Variants in TRPS1 observed in about 807,000 individuals in gnomAD.
TRPS1 encodes zinc finger transcription factor Trps1.
TRPS1 carries 6 observed loss-of-function variants against 101.2 expected under a neutral mutation model. The ratio of observed to expected loss-of-function variants is 0.06; its 90% CI spans 0.03 to 0.12. TRPS1 has a LOEUF of 0.12. TRPS1 is among the 10% of genes least tolerant of loss of function. The pLI, the probability that TRPS1 is intolerant of heterozygous loss-of-function variation, is 1.00. For missense variants in TRPS1, 1,363 were observed against 1,567.0 expected (o/e 0.87, Z 2.20); for synonymous variants, 578 against 589.8 (o/e 0.98, Z 0.29).
intron 5 of TRPS1, among the ~76,000 whole-genome samples, chr8:115,420,333 G>T (rs1274404366): frequency 6.6e-6 from 1 of 152,154 alleles, no homozygotes; most frequent in Non-Finnish European, 1.5e-5. Context: ...ACATTTTGGG[G>T]ACTCCCTTTG....
chr8:115,534,470 C>T (rs1816232058), intron 5 of TRPS1, among the ~76,000 whole-genome samples: 2 of 152,178 alleles, frequency 1.3e-5, no homozygotes, highest in Admixed American at 1.3e-4. Context: ...GATACCATCA[C>T]ACTGGAGGTT....
chr8:115,522,786 T>G (rs1815898049), intron 5 of TRPS1, among the ~76,000 whole-genome samples: 1 of 152,170 alleles, frequency 6.6e-6, no homozygotes, highest in Non-Finnish European at 1.5e-5. Flanking sequence ...TACTCTGTTC[T>G]CAGCAAAGAT....
chr8:115,418,402 G>T lies in TRPS1; in HGVS notation c.2751C>A (p.Thr917=), dbSNP rs1452005217. 1.9e-6 allele frequency: 3 copies of T among 1,614,188 alleles called. No individual in the cohort carries two copies. In the South Asian group the frequency reaches 3.3e-5, roughly 18 times the overall value. Residue 917 remains threonine (T), a synonymous_variant, in exon 6 of 7, where the codon ACC becomes ACA. Coordinates refer to ENST00000395715, the MANE Select transcript of TRPS1 (RefSeq NM_014112.5). The surrounding 1 kb of genome is among the most constrained non-coding windows in gnomAD (Gnocchi z 4.3). ...CATTTGCATTCTTTCGCCAGAGAGA[G>T]GTCTTTGTGGTCAGGCAATTGGCAC... ...VFCANCLTTK[T]SLWRKNANGG...
intron 5 of TRPS1, among the ~76,000 whole-genome samples, chr8:115,483,437 T>C (rs1814803600): frequency 6.6e-6 from 1 of 150,482 alleles, no homozygotes; most frequent in African/African-American, 2.4e-5. Context: ...GGGAGGCTGA[T>C]GTGGGAGGAT....
intron 5 of TRPS1, among the ~76,000 whole-genome samples, chr8:115,469,984 T>C (rs1337302270): frequency 6.6e-6 from 1 of 152,208 alleles, no homozygotes; most frequent in Non-Finnish European, 1.5e-5. Flanking sequence ...TGTCCAGCCT[T>C]GGATATGCTT....
At chr8:115,658,319 G>A (rs1811721259) in intron 1 of TRPS1, among the ~76,000 whole-genome samples, 1 of 152,102 alleles carries the variant, frequency 6.6e-6, no homozygotes, top group Non-Finnish European at 1.5e-5. Context: ...AGCCGGAACT[G>A]ATGAGTGTGA....
intron 5 of TRPS1, among the ~76,000 whole-genome samples, chr8:115,461,328 CAT>C (rs1291990300): frequency 3.9e-5 from 6 of 152,006 alleles, no homozygotes; most frequent in Non-Finnish European, 8.8e-5. Flanking sequence ...TACATACATA[CAT>C]ACATACATAC....
At chr8:115,570,481 A>G (rs1320285634) in intron 5 of TRPS1, among the ~76,000 whole-genome samples, 1 of 152,136 alleles carries the variant, frequency 6.6e-6, no homozygotes, top group Non-Finnish European at 1.5e-5. Flanking sequence ...AAAGATTAGC[A>G]GTATAACAGG....
intron 5 of TRPS1, among the ~76,000 whole-genome samples, chr8:115,565,098 G>C (rs1311472047): frequency 3.3e-5 from 5 of 152,066 alleles, no homozygotes; most frequent in Non-Finnish European, 4.4e-5. Context: ...GAGACCTTAG[G>C]CCTTTATTCT....
chr8:115,542,350 C>A (rs1816473287), intron 5 of TRPS1, among the ~76,000 whole-genome samples: 1 of 152,138 alleles, frequency 6.6e-6, no homozygotes, highest in Admixed American at 6.5e-5. Flanking sequence ...GGAATCCTTT[C>A]TTGCACCCAA....
chr8:115,584,082 T>C (rs548003936), intron 5 of TRPS1, among the ~76,000 whole-genome samples: 17 of 152,164 alleles, frequency 1.1e-4, no homozygotes, highest in African/African-American at 4.1e-4. Context: ...ACATTTTAAT[T>C]ATGTGCTTTG....
chr8:115,425,270 T>A (rs1813160651), intron 5 of TRPS1, among the ~76,000 whole-genome samples: 1 of 152,190 alleles, frequency 6.6e-6, no homozygotes, highest in South Asian at 2.1e-4. Context: ...AAAACAGTCC[T>A]CTTTGCCCTC....
At chr8:115,550,376 C>A (rs543158751) in intron 5 of TRPS1, among the ~76,000 whole-genome samples, 1 of 152,322 alleles carries the variant, frequency 6.6e-6, no homozygotes, top group African/African-American at 2.4e-5. Context: ...CATGCTGGCT[C>A]AGCCACTACT....
chr8:115,633,079 GA>G (rs980637006), intron 1 of TRPS1, among the ~76,000 whole-genome samples: 29 of 152,058 alleles, frequency 1.9e-4, no homozygotes, highest in African/African-American at 7.0e-4. Context: ...ATATTTTGAT[GA>G]GCAAATCAAG....
intron 4 of TRPS1, among the ~76,000 whole-genome samples, chr8:115,603,092 T>C (rs2130487741): frequency 6.6e-6 from 1 of 152,296 alleles, no homozygotes; most frequent in South Asian, 2.1e-4. Flanking sequence ...CCTGGTACAA[T>C]AGGATTTTTG....
chr8:115,513,304 T>C (rs1212465060), intron 5 of TRPS1, among the ~76,000 whole-genome samples: 2 of 151,698 alleles, frequency 1.3e-5, no homozygotes, highest in African/African-American at 4.8e-5. Context: ...TTGCACTATA[T>C]TCCCAAGGAC....
chr8:115,416,453 T>A (rs800901), intron 6 of TRPS1, among the ~76,000 whole-genome samples: 86,363 of 150,078 alleles, frequency 0.58, 26,118 homozygotes, highest in African/African-American at 0.77. Context: ...AAAACATGAC[T>A]ATAAATATAA....
In TRPS1 at chr8:115,411,640, A is replaced by G. The variant is rs1437502206; in HGVS notation, c.*2383T>C. 1 of 152,546 alleles carries G rather than the reference A, an allele frequency of 6.6e-6. No individual in the cohort carries two copies. The highest frequency in any genetic ancestry group is 2.1e-4 in the South Asian group (1 of 4,830). 9.4% of individuals were successfully genotyped at this position (152,546 alleles called of 1,614,324 possible). A position where few individuals can be genotyped will look rare whatever the true frequency, so the allele number is the denominator to read the frequency against. On this transcript the variant is annotated 3_prime_UTR_variant, in exon 7 of 7. Transcript: ENST00000395715. ...TCCTAAGGAAGATAAATTACATCAC[A>G]TAATTTGAATGTCAAAGCTCCTCAT... is the stretch of plus-strand genomic sequence containing the variant.
chr8:115,443,213 T>A (rs1005778658), intron 5 of TRPS1, among the ~76,000 whole-genome samples: 3 of 151,850 alleles, frequency 2.0e-5, no homozygotes, highest in South Asian at 2.1e-4. Flanking sequence ...AAGGCTGCAG[T>A]GAGCTGACAT....
Sources: gnomAD v4.1 joint callset for allele counts (sites outside exome capture counted in the v4.1 genomes callset) on GRCh38, gnomAD v4.1.1 for gene constraint, Gnocchi (gnomAD v3.1) non-coding constraint, MANE v1.5 for transcripts, NCBI Gene and HGNC (gene_info 2026-07-23, HGNC 2026-07-21) for gene names.